PACRG: variants seen among roughly 807,000 people sequenced by gnomAD.
PACRG encodes parkin coregulated, also known as parkin coregulated gene protein.
Under a neutral mutation model 29.7 loss-of-function variants are expected in PACRG, and 29 were observed. That is an observed-to-expected ratio of 0.98 (90% confidence interval 0.73 to 1.33). The LOEUF (loss-of-function observed/expected upper bound fraction) is 1.33, where lower values mean the gene tolerates loss of function less well. PACRG is among the 40% of genes most tolerant of loss of function. The probability of loss-of-function intolerance (pLI) is 0.00; values close to 1 mark genes in which losing one functional copy is unlikely to be tolerated. For synonymous variants in PACRG, 116 were observed against 118.7 expected (o/e 0.98, Z 0.15); for missense variants, 279 against 316.2 (o/e 0.88, Z 0.89).
intron 2 of PACRG, among the ~76,000 whole-genome samples, chr6:162,880,677 A>G (rs938155718): frequency 1.5e-4 from 23 of 152,258 alleles, no homozygotes; most frequent in Non-Finnish European, 2.8e-4. Context: ...ATGAAAATTT[A>G]TATTCCTTTT....
chr6:163,305,635 T>C (rs1785171902), intron 4 of PACRG, among the ~76,000 whole-genome samples: 2 of 152,200 alleles, frequency 1.3e-5, no homozygotes, highest in South Asian at 4.1e-4. Context: ...ATACTGACCA[T>C]GTGTTTATGG....
chr6:162,788,315 C>G (rs1784671730), intron 1 of PACRG, among the ~76,000 whole-genome samples: 1 of 152,134 alleles, frequency 6.6e-6, no homozygotes, highest in African/African-American at 2.4e-5. Context: ...CATTTAAGAT[C>G]TCTCCATGTC....
intron 4 of PACRG, among the ~76,000 whole-genome samples, chr6:163,127,899 T>C (rs1816580953): frequency 6.6e-6 from 1 of 152,208 alleles, no homozygotes; most frequent in Admixed American, 6.5e-5. Flanking sequence ...GGCAGAAATA[T>C]ATATTTTAAT....
At chr6:163,043,146 C>A (rs376133366) in intron 2 of PACRG, 1 of 152,178 alleles carries the variant, frequency 6.6e-6, no homozygotes, top group African/African-American at 2.4e-5. Context: ...GTGTCCTTCA[C>A]GAATGACTTC....
intron 2 of PACRG, among the ~76,000 whole-genome samples, chr6:162,954,849 G>C (rs767785565): frequency 6.6e-6 from 1 of 152,172 alleles, no homozygotes; most frequent in Non-Finnish European, 1.5e-5. Context: ...TTAGAGATCA[G>C]TGTTGATTAT....
intron 2 of PACRG, among the ~76,000 whole-genome samples, chr6:162,913,932 T>G (rs547265482): frequency 2.2e-4 from 34 of 152,296 alleles, no homozygotes; most frequent in African/African-American, 7.2e-4. Flanking sequence ...GTTAATTGTT[T>G]TATTGTTAAG....
At chr6:162,960,064 C>T (rs1800483366) in intron 2 of PACRG, among the ~76,000 whole-genome samples, 1 of 152,180 alleles carries the variant, frequency 6.6e-6, no homozygotes, top group Non-Finnish European at 1.5e-5. Context: ...GGTACCATCT[C>T]ACACCTGTCA....
intron 2 of PACRG, among the ~76,000 whole-genome samples, chr6:162,994,804 G>C (rs1440725169): frequency 6.6e-6 from 1 of 151,274 alleles, no homozygotes; most frequent in Non-Finnish European, 1.5e-5. Context: ...TCCTTTGGAG[G>C]AGGAGAGGCG....
intron 4 of PACRG, among the ~76,000 whole-genome samples, chr6:163,111,087 A>G (rs1024915916): frequency 6.6e-6 from 1 of 150,868 alleles, no homozygotes; most frequent in Admixed American, 6.6e-5. Flanking sequence ...TTTATAGTCA[A>G]GCAATTCATT....
chr6:163,249,806 T>C (rs1478061702), intron 4 of PACRG, among the ~76,000 whole-genome samples: 3 of 152,236 alleles, frequency 2.0e-5, no homozygotes, highest in Admixed American at 1.3e-4. Context: ...CAGTGCAAAC[T>C]GAAGTTTGAG....
At chr6:162,900,143 C>G (rs1021994063) in intron 2 of PACRG, among the ~76,000 whole-genome samples, 4 of 151,920 alleles carry the variant, frequency 2.6e-5, no homozygotes, top group African/African-American at 9.7e-5. Flanking sequence ...CGTAATGCAC[C>G]CTCGAGAACT....
intron 2 of PACRG, among the ~76,000 whole-genome samples, chr6:162,981,673 G>C (rs961925289): frequency 6.6e-6 from 1 of 152,022 alleles, no homozygotes; most frequent in Non-Finnish European, 1.5e-5. Flanking sequence ...CCATGAACAT[G>C]GGATGTGTTT....
At chr6:162,883,671 G>A (rs570790154) in intron 2 of PACRG, among the ~76,000 whole-genome samples, 4 of 144,142 alleles carry the variant, frequency 2.8e-5, no homozygotes, top group Non-Finnish European at 6.1e-5. Flanking sequence ...GGCATCAAAC[G>A]ATTTTTCAAA....
rs757831253 is a variant in PACRG, at chr6:163,089,383, C to A, written c.588C>A (p.Val196=). 2 of 1,614,092 alleles carry A rather than the reference C, an allele frequency of 1.2e-6. No homozygotes were observed. The highest frequency in any genetic ancestry group is 1.7e-6 in the Non-Finnish European group (2 of 1,180,004). The change falls in exon 4 of 5, where the codon GTC becomes GTA. Residue 196 remains valine, a synonymous_variant. Transcript: ENST00000366888. ...LVPYYRQILP[V]LNIFKNMNVN... ...CTTATTACCGTCAAATCCTCCCTGT[C>A]CTGAACATCTTTAAGAATATGAATG...
chr6:162,776,650 C>G (rs989864783), intron 1 of PACRG, among the ~76,000 whole-genome samples: 7 of 152,154 alleles, frequency 4.6e-5, no homozygotes, highest in Non-Finnish European at 8.8e-5. Flanking sequence ...GATACTGGGT[C>G]TCCTGAGAAG....
intron 4 of PACRG, chr6:163,183,633 A>T (rs1266747791): frequency 6.6e-6 from 1 of 152,216 alleles, no homozygotes; most frequent in East Asian, 1.9e-4. Context: ...ACCTTGATTT[A>T]TACCTACAGA....
At chr6:162,804,459 C>G (rs954821383) in intron 1 of PACRG, among the ~76,000 whole-genome samples, 3 of 152,094 alleles carry the variant, frequency 2.0e-5, no homozygotes, top group African/African-American at 7.2e-5. Context: ...TGATTTCCAG[C>G]CGGTTATTTT....
intron 2 of PACRG, among the ~76,000 whole-genome samples, chr6:162,953,596 A>G (rs1409763725): frequency 6.6e-6 from 1 of 152,126 alleles, no homozygotes; most frequent in Non-Finnish European, 1.5e-5. Context: ...TATCAAGCTA[A>G]CATATGAGAT....
intron 4 of PACRG, among the ~76,000 whole-genome samples, chr6:163,234,291 A>G (rs971492835): frequency 2.6e-5 from 4 of 152,078 alleles, no homozygotes; most frequent in Non-Finnish European, 4.4e-5. Context: ...GCTTGGTGCC[A>G]TTCTCAGGGG....
Sources: gnomAD v4.1 joint callset for allele counts (sites outside exome capture counted in the v4.1 genomes callset) on GRCh38, gnomAD v4.1.1 for gene constraint, MANE v1.5 for transcripts, NCBI Gene and HGNC (gene_info 2026-07-23, HGNC 2026-07-21) for gene names.